The following EYA2 variants were observed in gnomAD, a reference collection of about 807,000 sequenced individuals.
The protein encoded by EYA2 is EYA transcriptional coactivator and phosphatase 2.
In EYA2, 31 loss-of-function variants were observed where a neutral mutation model predicts 69.2. That is an observed-to-expected ratio of 0.45 (90% CI 0.34 to 0.60). The LOEUF (loss-of-function observed/expected upper bound fraction) is 0.60, where lower values mean the gene tolerates loss of function less well. Among genes scored for constraint, EYA2 ranks in the 20% least tolerant of loss-of-function variants. The pLI is 0.02. For synonymous variants in EYA2, 257 were observed against 279.4 expected, an observed-to-expected ratio of 0.92 and a Z score of 0.80; for missense variants, 622 against 701.2, an observed-to-expected ratio of 0.89 and a Z score of 1.28.
intron 5 of EYA2, among the ~76,000 whole-genome samples, chr20:47,058,661 A>G (rs2030747679): frequency 6.6e-6 from 1 of 152,186 alleles, no homozygotes; most frequent in Non-Finnish European, 1.5e-5. Context: ...CCTGGGCAAT[A>G]TAGCAAGATC....
intron 1 of EYA2, among the ~76,000 whole-genome samples, chr20:46,963,193 T>A (rs1446501376): frequency 6.6e-6 from 1 of 152,210 alleles, no homozygotes; most frequent in African/African-American, 2.4e-5. Context: ...TTTCTCAGGA[T>A]CATCTCCCAA....
At chr20:46,972,126 A>G (rs1217156203) in intron 1 of EYA2, among the ~76,000 whole-genome samples, 1 of 152,202 alleles carries the variant, frequency 6.6e-6, no homozygotes, top group East Asian at 1.9e-4. Context: ...GTTTGAGAAA[A>G]CACCACAGGT....
At chr20:47,124,809 T>C (rs1292720247) in intron 9 of EYA2, among the ~76,000 whole-genome samples, 2 of 152,182 alleles carry the variant, frequency 1.3e-5, no homozygotes, top group Middle Eastern at 3.4e-3. Flanking sequence ...CCTTTAAATT[T>C]ATATCCTAGA....
intron 1 of EYA2, among the ~76,000 whole-genome samples, chr20:46,910,672 G>A (rs931363799): frequency 2.6e-5 from 4 of 152,146 alleles, no homozygotes; most frequent in African/African-American, 7.2e-5. Flanking sequence ...TTTTGCTCCC[G>A]TTGCTGCCTG....
In EYA2 at chr20:47,164,206, C is replaced by T. The variant is rs751626521; in HGVS notation, c.979-4933C>T. 3.9e-5 allele frequency among the ~76,000 whole-genome samples: 6 copies of T among 152,140 alleles called. No homozygotes were observed. In the South Asian group the frequency reaches 6.2e-4, roughly 16 times the overall value. On this transcript the variant is annotated intron_variant, in intron 10 of 15. Coordinates refer to ENST00000327619, the MANE Select transcript of EYA2 (RefSeq NM_005244.5). Reference sequence around the variant, plus strand: ...GCCTCTGCGCGGTCCAGCTCCCCTCCGAGCTGGCTCAAGGGGTAACTTGAT... The same window carrying T: ...GCCTCTGCGCGGTCCAGCTCCCCTCTGAGCTGGCTCAAGGGGTAACTTGAT...
Position 46,913,904 on chromosome 20 carries a change from G to A in EYA2, c.-11+18917G>A, listed in dbSNP as rs574212994. Among the ~76,000 whole-genome samples, 49 of 152,262 alleles carry A rather than the reference G, an allele frequency of 3.2e-4. 1 individual carries two copies. Among genetic ancestry groups the A allele is most frequent in the Admixed American group, 3.9e-4 (6 of 15,306 alleles). Reference sequence around the variant, plus strand: ...CATCTCCTTCTGTCCATTTTATCACGCCCATTTTGGAAAGGATGTGACAGA... The same window carrying A: ...CATCTCCTTCTGTCCATTTTATCACACCCATTTTGGAAAGGATGTGACAGA... On this transcript the variant is annotated intron_variant, in intron 1 of 15. Coordinates refer to ENST00000327619, the MANE Select transcript of EYA2 (RefSeq NM_005244.5).
intron 9 of EYA2, among the ~76,000 whole-genome samples, chr20:47,107,565 G>T (rs1029433491): frequency 6.6e-6 from 1 of 151,064 alleles, no homozygotes. Flanking sequence ...GCAAGGCCAG[G>T]CATGGTGGTG....
rs376497234 is a variant in EYA2 at position 47,085,910 on chromosome 20, T to C, written c.662-3329T>C. On this transcript the variant is annotated intron_variant, in intron 7 of 15. Coordinates refer to ENST00000327619, the MANE Select transcript of EYA2 (RefSeq NM_005244.5). ...GTGCTGGATTTGTTTATTATGTTGA[T>C]TGTGGCAATGGCTTCACAGATGTGT... is the stretch of plus-strand genomic sequence containing the variant. Among the ~76,000 whole-genome samples the C allele has an allele frequency of 5.9e-5, 9 of 152,324 alleles. No homozygotes were observed. In the East Asian group the frequency reaches 1.7e-3, roughly 29 times the overall value.
At chr20:47,109,630 G>T (rs56219735) in intron 9 of EYA2, among the ~76,000 whole-genome samples, 24,119 of 151,998 alleles carry the variant, frequency 0.16, 2,315 homozygotes, top group Non-Finnish European at 0.21. Flanking sequence ...TAATCCTCCT[G>T]CCTCAGCCTC....
intron 1 of EYA2, among the ~76,000 whole-genome samples, chr20:46,914,209 A>G (rs989720623): frequency 2.0e-5 from 3 of 152,178 alleles, no homozygotes; most frequent in Admixed American, 6.5e-5. Context: ...TTCCCTGACA[A>G]ATTTGTTGGA....
chr20:47,038,602 G>A (rs538642745), intron 5 of EYA2, among the ~76,000 whole-genome samples: 3 of 152,140 alleles, frequency 2.0e-5, no homozygotes, highest in Non-Finnish European at 2.9e-5. Flanking sequence ...GTGTGTGCAC[G>A]CACACATACA....
At chr20:47,074,031 A>C in intron 6 of EYA2, 127 bp from the exon 7 acceptor site, 2 of 937,396 alleles carry the variant, frequency 2.1e-6, no homozygotes, top group Non-Finnish European at 1.5e-6. Context: ...GGAAACCAAA[A>C]TGAAGACAGT....
chr20:47,023,667 T>C (rs1257814968), intron 5 of EYA2, among the ~76,000 whole-genome samples: 13 of 122,076 alleles, frequency 1.1e-4, no homozygotes, highest in African/African-American at 4.3e-4. Flanking sequence ...AGACAGAGCC[T>C]TGCTCTGTCA....
rs960529645 is a variant in EYA2 at position 46,971,950 on chromosome 20, C to G, written c.-10-18051C>G. 2.6e-5 allele frequency among the ~76,000 whole-genome samples: 4 copies of G among 152,068 alleles called. No individual in the cohort carries two copies. In the East Asian group the frequency reaches 7.7e-4, roughly 29 times the overall value. ...AGGAGTGACAAGACAGACAAAGCCC[C>G]CAGCCTCTGACAGTGAACAGAGAAA... On this transcript the variant is annotated intron_variant, in intron 1 of 15. Coordinates refer to ENST00000327619, the MANE Select transcript of EYA2 (RefSeq NM_005244.5).
At chr20:47,184,386 T>C (rs1438782561) in intron 15 of EYA2, among the ~76,000 whole-genome samples, 1 of 148,398 alleles carries the variant, frequency 6.7e-6, no homozygotes, top group Admixed American at 6.7e-5. Context: ...CTCCAAAAAC[T>C]CCTACAAAGT....
chr20:47,064,101 A>G (rs4809621), intron 5 of EYA2, among the ~76,000 whole-genome samples: 60,008 of 152,050 alleles, frequency 0.39, 12,921 homozygotes, highest in African/African-American at 0.57. Context: ...GACTACAAGC[A>G]TGCATCACCA....
At chr20:47,087,712 G>A (rs1397317608) in intron 7 of EYA2, among the ~76,000 whole-genome samples, 3 of 152,148 alleles carry the variant, frequency 2.0e-5, no homozygotes, top group Non-Finnish European at 4.4e-5. Context: ...CCTCTCAGTG[G>A]GGCCACACCC....
chr20:47,066,329 C>T lies in EYA2; in HGVS notation c.416-5856C>T, dbSNP rs369970010. Among the ~76,000 whole-genome samples the T allele has an allele frequency of 3.3e-5, 5 of 151,068 alleles. No individual in the cohort carries two copies. The East Asian group carries it at 7.8e-4, about 23-fold the overall frequency. On this transcript the variant is annotated intron_variant, in intron 5 of 15. Transcript: ENST00000327619. ...CCTGGGCAACAGAGTGAGACCTTGT[C>T]TCAAAAAAAAAAAATTATTTTACTG...
At chr20:47,146,710 T>A (rs2033708539) in intron 10 of EYA2, among the ~76,000 whole-genome samples, 1 of 152,198 alleles carries the variant, frequency 6.6e-6, no homozygotes, top group African/African-American at 2.4e-5. Flanking sequence ...GAGAGAGGCG[T>A]GCTCAAGGCC....
Sources: gnomAD v4.1 joint callset for allele counts (sites outside exome capture counted in the v4.1 genomes callset) on GRCh38, gnomAD v4.1.1 for gene constraint, MANE v1.5 for transcripts, NCBI Gene and HGNC (gene_info 2026-07-23, HGNC 2026-07-21) for gene names.